The following PRLR variants were observed in gnomAD, a reference collection of about 807,000 sequenced individuals.
PRLR encodes hPRL receptor.
In PRLR, 13 loss-of-function variants were observed where a neutral mutation model predicts 40.2. That is an observed-to-expected ratio of 0.32 (90% CI 0.21 to 0.51). The LOEUF (loss-of-function observed/expected upper bound fraction) is 0.51, where lower values mean the gene tolerates loss of function less well. Among genes scored for constraint, PRLR ranks in the 20% least tolerant of loss-of-function variants. PRLR has a pLI of 0.97. For missense variants in PRLR, 656 were observed against 747.3 expected, an observed-to-expected ratio of 0.88 and a Z score of 1.42; for synonymous variants, 269 against 278.7, an observed-to-expected ratio of 0.97 and a Z score of 0.35.
In PRLR at chr5:35,062,881, C is replaced by T. The variant is rs1266072300; in HGVS notation, c.*2208G>A. On this transcript the variant is annotated 3_prime_UTR_variant, in exon 10 of 10. Transcript: ENST00000618457. The stretch of plus-strand genomic sequence containing the variant: ...ATATGTTTCTTTTTTTGCCTGCTTA[C>T]ATGCAGTGTTGTTCATTGCAAGTCA... 2 of 152,186 alleles carry T rather than the reference C, an allele frequency of 1.3e-5. No homozygotes were observed. Among genetic ancestry groups the T allele is most frequent in the African/African-American group, 2.4e-5 (1 of 41,438 alleles). 9.4% of individuals were successfully genotyped at this position (152,186 alleles called of 1,614,324 possible).
intron 2 of PRLR, among the ~76,000 whole-genome samples, chr5:35,091,594 A>G (rs1159525127): frequency 6.6e-6 from 1 of 152,134 alleles, no homozygotes; most frequent in Non-Finnish European, 1.5e-5. Flanking sequence ...TGGGGGTGCA[A>G]TTATTCCCCC....
At chr5:35,087,960 C>T (rs1338965029) in intron 3 of PRLR, among the ~76,000 whole-genome samples, 2 of 152,162 alleles carry the variant, frequency 1.3e-5, no homozygotes. Flanking sequence ...TCAGCACCTC[C>T]GGGGGTTCTC....
intron 1 of PRLR, among the ~76,000 whole-genome samples, chr5:35,211,253 T>G (rs1184987128): frequency 6.6e-6 from 1 of 152,192 alleles, no homozygotes; most frequent in Non-Finnish European, 1.5e-5. Context: ...TCCCCCACTT[T>G]CACACTTCTG....
intron 5 of PRLR, among the ~76,000 whole-genome samples, chr5:35,074,131 GA>G (rs1769918746): frequency 6.6e-6 from 1 of 152,092 alleles, no homozygotes. Flanking sequence ...CAAAAGTGAA[GA>G]AATCCAAATG....
At position 35,126,193 on chromosome 5, in the gene PRLR, A is replaced by C. The variant is rs972856683; in HGVS notation, c.-105-8071T>G. 2.0e-5 allele frequency among the ~76,000 whole-genome samples: 3 copies of C among 152,332 alleles called. No individual in the cohort carries two copies. The South Asian group carries it at 6.2e-4, about 32-fold the overall frequency. ...CTATTAAGTTGAGAACTGAAATATT[A>C]GCATGGGCAAATAGACTCATCTCTA... On this transcript the variant is annotated intron_variant, in intron 1 of 9. Coordinates refer to ENST00000618457, the MANE Select transcript of PRLR (RefSeq NM_000949.7).
Position 35,145,371 on chromosome 5 carries a change from A to G in PRLR, c.-105-27249T>C, listed in dbSNP as rs114873045. ...TTGCAAGAAAAAGTGGACGGCCCCTAATTTATGTCTACTGCACACCAAATG... is the reference window on the plus strand; with the variant it reads ...TTGCAAGAAAAAGTGGACGGCCCCTGATTTATGTCTACTGCACACCAAATG... On this transcript the variant is annotated intron_variant, in intron 1 of 9. Transcript: ENST00000618457. Among the ~76,000 whole-genome samples, 952 of 152,294 alleles carry G rather than the reference A, an allele frequency of 6.3e-3. 8 individuals carry two copies. Among genetic ancestry groups the G allele is most frequent in the Admixed American group, 0.023 (355 of 15,304 alleles).
At chr5:35,181,631 G>T (rs1775300228) in intron 1 of PRLR, among the ~76,000 whole-genome samples, 1 of 152,160 alleles carries the variant, frequency 6.6e-6, no homozygotes, top group Non-Finnish European at 1.5e-5. Flanking sequence ...GCAATTCTTT[G>T]TGAAGTAAGG....
chr5:35,219,022 G>A (rs766065742), intron 1 of PRLR, among the ~76,000 whole-genome samples: 14 of 152,300 alleles, frequency 9.2e-5, no homozygotes, highest in South Asian at 2.1e-4. Context: ...CCCTGTTGGC[G>A]GCGGGGTGGG....
intron 1 of PRLR, among the ~76,000 whole-genome samples, chr5:35,188,551 G>A (rs1414771223): frequency 6.6e-6 from 1 of 152,182 alleles, no homozygotes. Context: ...TTCCCTGGTT[G>A]GGGCGACTTG....
chr5:35,129,331 A>G (rs772778864), intron 1 of PRLR, among the ~76,000 whole-genome samples: 8 of 152,186 alleles, frequency 5.3e-5, no homozygotes, highest in Non-Finnish European at 1.0e-4. Flanking sequence ...GGCAAATTGT[A>G]TCCTTTGGAT....
intron 3 of PRLR, among the ~76,000 whole-genome samples, chr5:35,086,616 T>C (rs1249053260): frequency 6.6e-6 from 1 of 151,644 alleles, no homozygotes; most frequent in Non-Finnish European, 1.5e-5. Flanking sequence ...GAGATAACAA[T>C]AGCCTAGTGA....
chr5:35,081,058 G>A (rs553653395), intron 5 of PRLR, among the ~76,000 whole-genome samples: 1 of 110,542 alleles, frequency 9.0e-6, no homozygotes, highest in East Asian at 3.3e-4. Context: ...GGGGGAGGGG[G>A]GAGGGATAGC....
At chr5:35,183,257 T>C (rs1356740712) in intron 1 of PRLR, among the ~76,000 whole-genome samples, 1 of 152,228 alleles carries the variant, frequency 6.6e-6, no homozygotes, top group Non-Finnish European at 1.5e-5. Flanking sequence ...CTCCTTCTCC[T>C]GCTTTCATAT....
At chr5:35,128,919 CTCTG>C (rs1773559572) in intron 1 of PRLR, among the ~76,000 whole-genome samples, 1 of 152,170 alleles carries the variant, frequency 6.6e-6, no homozygotes, top group Non-Finnish European at 1.5e-5. Flanking sequence ...CTGTCTCCAT[CTCTG>C]CCTCCTTCCC....
intron 2 of PRLR, among the ~76,000 whole-genome samples, chr5:35,096,113 C>G (rs1273773584): frequency 6.6e-6 from 1 of 152,240 alleles, no homozygotes; most frequent in Non-Finnish European, 1.5e-5. Context: ...CCTTGGGCCA[C>G]TCAGGAATAC....
chr5:35,167,685 C>A (rs1774882249), intron 1 of PRLR, among the ~76,000 whole-genome samples: 1 of 151,850 alleles, frequency 6.6e-6, no homozygotes, highest in South Asian at 2.1e-4. Context: ...GTATGGAAGA[C>A]AGAAATGATG....
intron 2 of PRLR, among the ~76,000 whole-genome samples, chr5:35,116,983 G>A (rs187465118): frequency 3.2e-4 from 49 of 152,300 alleles, no homozygotes; most frequent in African/African-American, 1.1e-3. Context: ...CTGTTGGGGG[G>A]AGTTTTGTCC....
intron 1 of PRLR, among the ~76,000 whole-genome samples, chr5:35,214,232 G>T (rs564957961): frequency 3.0e-4 from 45 of 152,300 alleles, no homozygotes; most frequent in African/African-American, 1.1e-3. Context: ...CTCCCTTGAG[G>T]AGTTTTCCTC....
chr5:35,120,737 G>A (rs1773259489), intron 1 of PRLR, among the ~76,000 whole-genome samples: 1 of 152,164 alleles, frequency 6.6e-6, no homozygotes, highest in Non-Finnish European at 1.5e-5. Context: ...TTCTACATTA[G>A]CTCCCACTTG....
Sources: allele counts gnomAD v4.1 joint callset (sites outside exome capture counted in the v4.1 genomes callset), GRCh38; gene constraint gnomAD v4.1.1; transcripts MANE v1.5; gene names NCBI Gene and HGNC (gene_info 2026-07-23, HGNC 2026-07-21).